NBAS: variants seen among roughly 807,000 people sequenced by gnomAD.
The protein encoded by NBAS is NAG/BC035112 fusion.
A neutral mutation model predicts 302.5 loss-of-function variants in NBAS; 219 were observed. That is an observed-to-expected ratio of 0.72 (90% CI 0.65 to 0.81). The LOEUF is 0.81. Ranked by LOEUF, NBAS falls within the 30% of genes least tolerant of loss-of-function variation. NBAS has a pLI of 0.00. For missense variants in NBAS, 2,932 were observed against 2,841.6 expected (o/e 1.03, Z -0.72); for synonymous variants, 1,118 against 1,021.6 (o/e 1.09, Z -1.80).
At chr2:15,481,248 T>C (rs1680415185) in intron 12 of NBAS, among the ~76,000 whole-genome samples, 1 of 152,244 alleles carries the variant, frequency 6.6e-6, no homozygotes, top group Non-Finnish European at 1.5e-5. Context: ...TCTGCATTGT[T>C]TCCACCTTTT....
the NBAS span, among the ~76,000 whole-genome samples, chr2:14,962,324 C>T: frequency 2.0e-5 from 3 of 152,110 alleles, no homozygotes; most frequent in African/African-American, 7.2e-5. Flanking sequence ...GGGAGGGTTA[C>T]ATGTATGAAC....
chr2:14,829,344 G>T, the NBAS span, among the ~76,000 whole-genome samples: 1 of 151,952 alleles, frequency 6.6e-6, no homozygotes, highest in Non-Finnish European at 1.5e-5. Flanking sequence ...ATGAATGAGG[G>T]TGTTTCTCTA....
At chr2:15,495,187 C>T (rs1226876337) in intron 11 of NBAS, among the ~76,000 whole-genome samples, 1 of 152,156 alleles carries the variant, frequency 6.6e-6, no homozygotes, top group Non-Finnish European at 1.5e-5. Flanking sequence ...AATCGGCACT[C>T]TATAAGCTCT....
chr2:15,357,691 A>C (rs192140477), intron 32 of NBAS, among the ~76,000 whole-genome samples: 233 of 152,214 alleles, frequency 1.5e-3, no homozygotes, highest in African/African-American at 5.4e-3. Context: ...ACACAGATGA[A>C]TATATATATA....
chr2:15,326,393 T>A (rs1255466080), intron 38 of NBAS, among the ~76,000 whole-genome samples: 1 of 152,220 alleles, frequency 6.6e-6, no homozygotes, highest in Non-Finnish European at 1.5e-5. Flanking sequence ...TGTTTGCGAA[T>A]GTTTTGGTTA....
intron 44 of NBAS, among the ~76,000 whole-genome samples, chr2:15,272,375 T>A (rs972878274): frequency 2.0e-5 from 3 of 152,230 alleles, no homozygotes; most frequent in African/African-American, 7.2e-5. Flanking sequence ...TGGGAACATC[T>A]GGTGTTTTGC....
At chr2:15,125,298 G>A in the NBAS span, among the ~76,000 whole-genome samples, 4 of 152,102 alleles carry the variant, frequency 2.6e-5, no homozygotes, top group South Asian at 8.3e-4. Context: ...CTTCTAGGGG[G>A]GCCTCAAGAA....
At chr2:15,207,942 G>A (rs1666223069) in intron 48 of NBAS, among the ~76,000 whole-genome samples, 1 of 152,080 alleles carries the variant, frequency 6.6e-6, no homozygotes, top group Non-Finnish European at 1.5e-5. Flanking sequence ...AAACAAAGAA[G>A]GTCACTATAT....
the NBAS span, among the ~76,000 whole-genome samples, chr2:14,979,659 A>G: frequency 4.6e-5 from 7 of 152,214 alleles, no homozygotes; most frequent in African/African-American, 1.7e-4. Flanking sequence ...ACATAGATCT[A>G]TAATCTACTA....
At chr2:15,286,798 A>T (rs1043986130) in intron 42 of NBAS, among the ~76,000 whole-genome samples, 2 of 152,230 alleles carry the variant, frequency 1.3e-5, no homozygotes, top group Admixed American at 6.5e-5. Flanking sequence ...AAGTTCCAAG[A>T]CAGCTAGGAT....
chr2:15,325,434 C>G (rs1672020146), intron 38 of NBAS, among the ~76,000 whole-genome samples: 1 of 151,886 alleles, frequency 6.6e-6, no homozygotes, highest in African/African-American at 2.4e-5. Context: ...AATCTTTTTG[C>G]AGGTGAAGGG....
chr2:15,137,204 T>A, the NBAS span, among the ~76,000 whole-genome samples: 1 of 152,218 alleles, frequency 6.6e-6, no homozygotes, highest in African/African-American at 2.4e-5. Flanking sequence ...AAATTTGTTT[T>A]TTATAAGCTA....
At chr2:14,875,469 A>C in the NBAS span, among the ~76,000 whole-genome samples, 7 of 152,136 alleles carry the variant, frequency 4.6e-5, no homozygotes, top group African/African-American at 1.7e-4. Flanking sequence ...ACAAAAAATT[A>C]GCTTGGCATA....
the NBAS span, among the ~76,000 whole-genome samples, chr2:14,893,414 C>CT: frequency 6.6e-6 from 1 of 151,902 alleles, no homozygotes; most frequent in African/African-American, 2.4e-5. Flanking sequence ...TTTTCTAATT[C>CT]TTTTTCTAAT....
intron 49 of NBAS, among the ~76,000 whole-genome samples, chr2:15,189,333 T>A (rs1443761009): frequency 6.6e-6 from 1 of 152,216 alleles, no homozygotes; most frequent in Non-Finnish European, 1.5e-5. Context: ...TCTCATGGAA[T>A]CTTTTCCAGA....
chr2:15,250,275 A>G (rs1373438215), intron 44 of NBAS, among the ~76,000 whole-genome samples: 1 of 152,256 alleles, frequency 6.6e-6, no homozygotes, highest in Admixed American at 6.5e-5. Flanking sequence ...GAAAGCTGAA[A>G]CTGGATCCCT....
chr2:15,128,094 G>A, the NBAS span, among the ~76,000 whole-genome samples: 1 of 152,088 alleles, frequency 6.6e-6, no homozygotes, highest in Admixed American at 6.5e-5. Flanking sequence ...CATCCCTGGA[G>A]GAAACCCAAG....
In NBAS at chr2:15,461,927, G is replaced by T. The variant is rs1455431236; in HGVS notation, c.2098-136C>A. 59 of 625,090 alleles carry T rather than the reference G, an allele frequency of 9.4e-5. No individual in the cohort carries two copies. The East Asian group carries it at 1.6e-3, about 17-fold the overall frequency. 38.7% of individuals were successfully genotyped at this position (625,090 alleles called of 1,614,324 possible). ...AATTAATTAATTTCAACCATCAATT[G>T]TTAACTAAAGTACTACATCTGCATT... is the stretch of plus-strand genomic sequence containing the variant. On this transcript the variant is annotated intron_variant, in intron 19 of 51. Coordinates refer to ENST00000281513, the MANE Select transcript of NBAS (RefSeq NM_015909.4).
At chr2:15,113,327 G>GTGTGTGTC in the NBAS span, among the ~76,000 whole-genome samples, 1 of 130,932 alleles carries the variant, frequency 7.6e-6, no homozygotes, top group Admixed American at 7.1e-5. Flanking sequence ...ACTCGTGTGT[G>GTGTGTGTC]TGTGTGTGTG....
Sources: allele counts gnomAD v4.1 joint callset (sites outside exome capture counted in the v4.1 genomes callset), GRCh38; gene constraint gnomAD v4.1.1; transcripts MANE v1.5; gene names NCBI Gene and HGNC (gene_info 2026-07-23, HGNC 2026-07-21).